AP5B1: variants seen among roughly 807,000 people sequenced by gnomAD.
AP5B1 encodes the protein adaptor related protein complex 5 subunit beta 1, also known as AP-5 complex subunit beta-1.
A neutral mutation model predicts 5.7 loss-of-function variants in AP5B1; 3 were observed. That is an observed-to-expected ratio of 0.53 (90% CI 0.24 to 1.36). AP5B1 has a LOEUF of 1.36. Ranked by LOEUF, AP5B1 falls within the 40% of genes most tolerant of loss-of-function variation. AP5B1 has a pLI of 0.17. For missense variants in AP5B1, 1,310 were observed against 1,143.2 expected (o/e 1.15, Z -2.10); for synonymous variants, 696 against 555.5 (o/e 1.25, Z -3.56).
Position 65,777,777 on chromosome 11 carries a change from G to A in AP5B1, c.*79C>T. On this transcript the variant is annotated 3_prime_UTR_variant, in exon 2 of 2. Coordinates refer to ENST00000532090, the MANE Select transcript of AP5B1 (RefSeq NM_138368.5). The stretch of plus-strand genomic sequence containing the variant: ...CAGCGAGGGCACTGCGGAATGCAGG[G>A]TTTTGGCGACAGAGCTACAGGAGTG... 7.1e-7 allele frequency: 1 copy of A among 1,416,172 alleles called. No homozygotes were observed. The highest frequency in any genetic ancestry group is 1.5e-5 in the South Asian group (1 of 67,324). 87.7% of individuals were successfully genotyped at this position (1,416,172 alleles called of 1,614,324 possible).
In AP5B1 at chr11:65,780,757, G is replaced by T; in HGVS notation, c.-166C>A. 2 of 661,942 alleles carry T rather than the reference G, an allele frequency of 3.0e-6. No individual in the cohort carries two copies. Among genetic ancestry groups the T allele is most frequent in the Non-Finnish European group, 4.3e-6 (2 of 470,018 alleles). 41.0% of individuals were successfully genotyped at this position (661,942 alleles called of 1,614,324 possible). On this transcript the variant is annotated 5_prime_UTR_variant, in exon 1 of 2. Transcript: ENST00000532090. ...CCCACGGTGAGACCAGGGCTCTCGG[G>T]GCCGACGCCAGAGCTGGGCGCCGGG...
Position 65,774,744 on chromosome 11 carries a change from G to C in AP5B1, c.*3112C>G, listed in dbSNP as rs998987439. ...TTCACATTTCATTAGCCAGAGCTGGGCTTGTGGCCAGACCTGCCTTGAAGG... is the reference window on the plus strand; with the variant it reads ...TTCACATTTCATTAGCCAGAGCTGGCCTTGTGGCCAGACCTGCCTTGAAGG... On this transcript the variant is annotated 3_prime_UTR_variant, in exon 2 of 2. Transcript: ENST00000532090. Among the ~76,000 whole-genome samples, 1 of 152,204 alleles carries C rather than the reference G, an allele frequency of 6.6e-6. No individual in the cohort carries two copies. The highest frequency in any genetic ancestry group is 6.5e-5 in the Admixed American group (1 of 15,282).
Position 65,779,937 on chromosome 11 carries a change from TGA to T in AP5B1, c.554_555del (p.Leu185GlnfsTer29), listed in dbSNP as rs1317178829. Reference sequence around the variant, plus strand: ...CGCAAAGCGAGGGCCAGCAACAGGCTGAGTGGCTGGACAGGGCCTTCCTGCCC... The same window carrying T: ...CGCAAAGCGAGGGCCAGCAACAGGCTGTGGCTGGACAGGGCCTTCCTGCCC... ...LLGQEGPVQP[L>X]SLLLALALRN... On this transcript the variant is annotated frameshift_variant, in exon 2 of 2. Coordinates refer to ENST00000532090, the MANE Select transcript of AP5B1 (RefSeq NM_138368.5). LOFTEE classifies it low-confidence loss of function (END_TRUNC). 5 of 1,591,814 alleles carry T rather than the reference TGA, an allele frequency of 3.1e-6. No individual in the cohort carries two copies. Among genetic ancestry groups the T allele is most frequent in the Non-Finnish European group, 4.3e-6 (5 of 1,169,410 alleles).
rs1158847000 is a variant in AP5B1 at position 65,779,726 on chromosome 11, G to C, written c.767C>G (p.Ala256Gly). The C allele has an allele frequency of 2.5e-6, 4 of 1,606,724 alleles. No individual in the cohort carries two copies. The African/African-American group carries it at 5.4e-5, about 21-fold the overall frequency. ...CGCCTCCTCAGGGCTGTGCTCTCGT[G>C]CTGTAAGGCTACGCTCCCCCTCTCC... Reference protein sequence around the residue: ...EEGEGERSLTAREHSPEEARE... With the variant: ...EEGEGERSLTGREHSPEEARE... Residue 256 changes from alanine (A) to glycine (G), a missense_variant, in exon 2 of 2, where the codon GCA (alanine) becomes GGA (glycine). Physicochemically the swap from Ala to Gly is moderately conservative, Grantham distance 60. Coordinates refer to ENST00000532090, the MANE Select transcript of AP5B1 (RefSeq NM_138368.5).
chr11:65,779,488 A>T lies in AP5B1; in HGVS notation c.1005T>A (p.Gly335=), dbSNP rs1857815663. Residue 335 remains glycine, a synonymous_variant, in exon 2 of 2, where the codon GGT becomes GGA. Coordinates refer to ENST00000532090, the MANE Select transcript of AP5B1 (RefSeq NM_138368.5). The part of the protein sequence containing the change: ...HAMLALKAAF[G]EALFTAQDEA... Reference sequence around the variant, plus strand: ...CATCCTGGGCTGTGAACAAGGCCTCACCAAAGGCCGCCTTGAGCGCAAGCA... The same window carrying T: ...CATCCTGGGCTGTGAACAAGGCCTCTCCAAAGGCCGCCTTGAGCGCAAGCA... The T allele has an allele frequency of 6.2e-7, 1 of 1,602,768 alleles. No homozygotes were observed. Among genetic ancestry groups the T allele is most frequent in the African/African-American group, 1.3e-5 (1 of 74,780 alleles).
In AP5B1 at chr11:65,775,689, C is replaced by T. The variant is rs1169840008; in HGVS notation, c.*2167G>A. Among the ~76,000 whole-genome samples, 1 of 152,182 alleles carries T rather than the reference C, an allele frequency of 6.6e-6. No individual in the cohort carries two copies. The highest frequency in any genetic ancestry group is 1.5e-5 in the Non-Finnish European group (1 of 68,036). On this transcript the variant is annotated 3_prime_UTR_variant, in exon 2 of 2. Coordinates refer to ENST00000532090, the MANE Select transcript of AP5B1 (RefSeq NM_138368.5). ...GCTTCCTGGAGGCGACTTCTCCAGCCTTCCCATGTACTTTAAGTACCCTGA... is the reference window on the plus strand; with the variant it reads ...GCTTCCTGGAGGCGACTTCTCCAGCTTTCCCATGTACTTTAAGTACCCTGA...
chr11:65,777,666 G>A lies in AP5B1; in HGVS notation c.*190C>T, dbSNP rs1195362763. 1.6e-6 allele frequency: 1 copy of A among 636,708 alleles called. No homozygotes were observed. The highest frequency in any genetic ancestry group is 2.6e-6 in the Non-Finnish European group (1 of 384,144). The allele number at this position is 636,708 out of a possible 1,614,324, so 39.4% of individuals were successfully genotyped here. A position where few individuals can be genotyped will look rare whatever the true frequency, so the allele number is the denominator to read the frequency against. On this transcript the variant is annotated 3_prime_UTR_variant, in exon 2 of 2. Coordinates refer to ENST00000532090, the MANE Select transcript of AP5B1 (RefSeq NM_138368.5). Reference sequence around the variant, plus strand: ...TTATTATAACTTACCCCGTCTCAGGGATCTTGCTAGAGCAGCAAAAACAGA... The same window carrying A: ...TTATTATAACTTACCCCGTCTCAGGAATCTTGCTAGAGCAGCAAAAACAGA...
chr11:65,780,606 G>A lies in AP5B1; in HGVS notation c.-15C>T. ...AGGGGCCCCATGGTGAGGCGCGCGG[G>A]CCCCTGCGCAGGGAAGAGGGACCCT... On this transcript the variant is annotated 5_prime_UTR_variant, in exon 1 of 2. Coordinates refer to ENST00000532090, the MANE Select transcript of AP5B1 (RefSeq NM_138368.5). 7.1e-7 allele frequency: 1 copy of A among 1,410,266 alleles called. No homozygotes were observed. Among genetic ancestry groups the A allele is most frequent in the Non-Finnish European group, 9.2e-7 (1 of 1,084,066 alleles). The allele number at this position is 1,410,266 out of a possible 1,614,324, so 87.4% of individuals were successfully genotyped here. A position where few individuals can be genotyped will look rare whatever the true frequency, so the allele number is the denominator to read the frequency against.
rs1421157544 is a variant in AP5B1 at position 65,779,971 on chromosome 11, G to A, written c.522C>T (p.Gly174=). 1.3e-6 allele frequency: 2 copies of A among 1,582,382 alleles called. No homozygotes were observed. Among genetic ancestry groups the A allele is most frequent in the Non-Finnish European group, 1.7e-6 (2 of 1,164,784 alleles). The change falls in exon 2 of 2, where the codon GGC becomes GGT. Residue 174 remains glycine, a synonymous_variant. Coordinates refer to ENST00000532090, the MANE Select transcript of AP5B1 (RefSeq NM_138368.5). The part of the protein sequence containing the change: ...LLGGSLGLLR[G]LLGQEGPVQP... ...GGACAGGGCCTTCCTGCCCCAGCAG[G>A]CCCCGCAGCAACCCCAGGGAGCCCC...
At position 65,774,412 on chromosome 11, in the gene AP5B1, ATTTCTTT is replaced by A. The variant is rs902339933; in HGVS notation, c.*3437_*3443del. The stretch of plus-strand genomic sequence containing the variant: ...TTTGCCCCAAAACTGACCCCTTCAC[ATTTCTTT>A]TTTCTTTTTTGAGACGGAGTCCTGC... On this transcript the variant is annotated 3_prime_UTR_variant, in exon 2 of 2. Transcript: ENST00000532090. 6.6e-6 allele frequency among the ~76,000 whole-genome samples: 1 copy of A among 151,830 alleles called. No homozygotes were observed. Among genetic ancestry groups the A allele is most frequent in the African/African-American group, 2.4e-5 (1 of 41,324 alleles).
Position 65,780,852 on chromosome 11 carries a change from T to A in AP5B1, c.-261A>T. 4 of 235,294 alleles carry A rather than the reference T, an allele frequency of 1.7e-5. No homozygotes were observed. Among genetic ancestry groups the A allele is most frequent in the Non-Finnish European group, 1.6e-5 (2 of 124,508 alleles). 14.6% of individuals were successfully genotyped at this position (235,294 alleles called of 1,614,324 possible). A position where few individuals can be genotyped will look rare whatever the true frequency, so the allele number is the denominator to read the frequency against. On this transcript the variant is annotated 5_prime_UTR_variant, in exon 1 of 2. Transcript: ENST00000532090. The stretch of plus-strand genomic sequence containing the variant: ...CCGAGAGCTCGTTAGGCCGCCTCCC[T>A]CCCGCCCGCGGCCCGCACCGAAACC...
Position 65,778,304 on chromosome 11 carries a change from G to A in AP5B1, c.2189C>T (p.Pro730Leu). The A allele has an allele frequency of 6.2e-7, 1 of 1,612,898 alleles. No individual in the cohort carries two copies. The highest frequency in any genetic ancestry group is 1.1e-5 in the South Asian group (1 of 91,084). Residue 730 changes from proline to leucine, a missense_variant, in exon 2 of 2, where the codon CCC becomes CTC. By Grantham distance (98) the Pro-to-Leu change is moderately conservative (BLOSUM62 -3). Coordinates refer to ENST00000532090, the MANE Select transcript of AP5B1 (RefSeq NM_138368.5). Reference sequence around the variant, plus strand: ...CAGCCGTGCGGGGGCCGGGCATCGGGGCTGCAGAGGCAGGAGCAGAGGGCG... The same window carrying A: ...CAGCCGTGCGGGGGCCGGGCATCGGAGCTGCAGAGGCAGGAGCAGAGGGCG... ...PARPLLLPLQ[P>L]RCPAPARLDV...
rs770308519 is a variant in AP5B1, at chr11:65,779,765, G to A, written c.728C>T (p.Pro243Leu). 3.8e-6 allele frequency: 6 copies of A among 1,586,610 alleles called. No individual in the cohort carries two copies. Among genetic ancestry groups the A allele is most frequent in the African/African-American group, 2.7e-5 (2 of 74,146 alleles). The change falls in exon 2 of 2, where the codon CCG becomes CTG. Residue 243 changes from proline to leucine, a missense_variant. Coordinates refer to ENST00000532090, the MANE Select transcript of AP5B1 (RefSeq NM_138368.5). The stretch of plus-strand genomic sequence containing the variant: ...CTCCCCCTCTCCCTCCTCAGCTGCC[G>A]GCCAGCTGGGTGCCTGGGGCTGAAG... ...GRLQPQAPSW[P>L]AAEEGEGERS...
In AP5B1 at chr11:65,775,821, T is replaced by C. The variant is rs566128006; in HGVS notation, c.*2035A>G. On this transcript the variant is annotated 3_prime_UTR_variant, in exon 2 of 2. Transcript: ENST00000532090. ...CTTGCCGAGGTGACAAAGCAAGTTA[T>C]TGCCACATCTCAAGTTTGAGACAGG... 34 of 152,348 alleles carry C rather than the reference T, an allele frequency of 2.2e-4. No individual in the cohort carries two copies. Among genetic ancestry groups the C allele is most frequent in the African/African-American group, 7.2e-4 (30 of 41,576 alleles). 9.4% of individuals were successfully genotyped at this position (152,348 alleles called of 1,614,324 possible).
rs1857838975 is a variant in AP5B1, at chr11:65,780,577, G to A, written c.15C>T (p.Ser5=). 1 of 1,474,666 alleles carries A rather than the reference G, an allele frequency of 6.8e-7. No individual in the cohort carries two copies. The highest frequency in any genetic ancestry group is 9.0e-7 in the Non-Finnish European group (1 of 1,116,928). The allele number at this position is 1,474,666 out of a possible 1,614,324, so 91.3% of individuals were successfully genotyped here. A position where few individuals can be genotyped will look rare whatever the true frequency, so the allele number is the denominator to read the frequency against. ...CCAAGCGCTGGGCCCAGGCGTCCCGGCTCAGGGGCCCCATGGTGAGGCGCG... is the reference window on the plus strand; with the variant it reads ...CCAAGCGCTGGGCCCAGGCGTCCCGACTCAGGGGCCCCATGGTGAGGCGCG... MGPL[S]RDAWAQRLGA... The change falls in exon 1 of 2, where the codon AGC becomes AGT. Residue 5 remains serine (S), a synonymous_variant. Coordinates refer to ENST00000532090, the MANE Select transcript of AP5B1 (RefSeq NM_138368.5).
Position 65,778,705 on chromosome 11 carries a change from C to A in AP5B1, c.1788G>T (p.Leu596=). Residue 596 remains leucine (L), a synonymous_variant, in exon 2 of 2, where the codon CTG becomes CTT. Transcript: ENST00000532090. ...CCTCCAGCTGCCTGGCCAGCACCTG[C>A]AGCAAGTCGACCAGGCCGCCCCTCA... ...AGVRGGLVDL[L]QVLARQLEDP... is the part of the protein sequence containing the mutation. 6.3e-7 allele frequency: 1 copy of A among 1,583,484 alleles called. No homozygotes were observed.
chr11:65,774,801 G>A lies in AP5B1; in HGVS notation c.*3055C>T, dbSNP rs973471259. 2.0e-5 allele frequency among the ~76,000 whole-genome samples: 3 copies of A among 152,210 alleles called. No individual in the cohort carries two copies. Among genetic ancestry groups the A allele is most frequent in the East Asian group, 1.9e-4 (1 of 5,200 alleles). ...GGAAGGGTATGTGAACATGAGCAAC[G>A]TCCACACAGGTGGACAAGGTGACCC... On this transcript the variant is annotated 3_prime_UTR_variant, in exon 2 of 2. Transcript: ENST00000532090.
rs1017560707 is a variant in AP5B1 at position 65,775,958 on chromosome 11, T to A, written c.*1898A>T. On this transcript the variant is annotated 3_prime_UTR_variant, in exon 2 of 2. Coordinates refer to ENST00000532090, the MANE Select transcript of AP5B1 (RefSeq NM_138368.5). ...CAGGCTGGAGTGCAGTGGCGTGATC[T>A]CGGCTCACTGCAACTTCTGCCTCCC... The A allele has an allele frequency of 6.6e-6, 1 of 152,214 alleles. No individual in the cohort carries two copies. The highest frequency in any genetic ancestry group is 2.4e-5 in the African/African-American group (1 of 41,416). The allele number at this position is 152,214 out of a possible 1,614,324, so 9.4% of individuals were successfully genotyped here. A position where few individuals can be genotyped will look rare whatever the true frequency, so the allele number is the denominator to read the frequency against.
Position 65,778,180 on chromosome 11 carries a change from C to T in AP5B1, c.2313G>A (p.Pro771=), listed in dbSNP as rs139309519. ...CCAGCCCGGCCCCCTCTGGAGGCTGCGGGAAAGGCAGAAAGAGGTCGGCAA... is the reference window on the plus strand; with the variant it reads ...CCAGCCCGGCCCCCTCTGGAGGCTGTGGGAAAGGCAGAAAGAGGTCGGCAA... ...VNFADLFLPF[P]QPPEGAGLGF... Residue 771 remains proline (P), a synonymous_variant, in exon 2 of 2, where the codon CCG becomes CCA. Transcript: ENST00000532090. 8.9e-4 allele frequency: 1,436 copies of T among 1,613,034 alleles called. 7 individuals are homozygous for T. In the African/African-American group the frequency reaches 0.012, roughly 14 times the overall value.
Sources: gnomAD v4.1 joint callset for allele counts (sites outside exome capture counted in the v4.1 genomes callset) on GRCh38, gnomAD v4.1.1 for gene constraint, MANE v1.5 for transcripts, NCBI Gene and HGNC (gene_info 2026-07-23, HGNC 2026-07-21) for gene names.